The following OPRK1 variants were observed in gnomAD, a reference collection of about 807,000 sequenced individuals.
The protein encoded by OPRK1 is opioid receptor kappa 1.
A neutral mutation model predicts 24.5 loss-of-function variants in OPRK1; 15 were observed. The ratio of observed to expected loss-of-function variants is 0.61; its 90% CI spans 0.41 to 0.94. The LOEUF (loss-of-function observed/expected upper bound fraction) is 0.94. Ranked by LOEUF, OPRK1 falls within the 40% of genes least tolerant of loss-of-function variation. OPRK1 has a pLI of 0.00. For synonymous variants in OPRK1, 205 were observed against 198.0 expected, an observed-to-expected ratio of 1.04 and a Z score of -0.30; for missense variants, 479 against 507.3, an observed-to-expected ratio of 0.94 and a Z score of 0.54.
chr8:53,246,662 T>C lies in OPRK1; in HGVS notation c.257+4119A>G, dbSNP rs139245775. Among the ~76,000 whole-genome samples the C allele has an allele frequency of 1.3e-4, 20 of 152,212 alleles. No individual in the cohort carries two copies. In the East Asian group the frequency reaches 3.9e-3, roughly 29 times the overall value. On this transcript the variant is annotated intron_variant, in intron 2 of 3. Coordinates refer to ENST00000265572, the MANE Select transcript of OPRK1 (RefSeq NM_000912.5). ...CCTTGGATAGAAGGAAGGAGAATCT[T>C]CCTGTGAGACAAAACAGAATGCAGG... is the stretch of plus-strand genomic sequence containing the variant.
At chr8:53,238,751 G>A (rs1807052198) in intron 2 of OPRK1, 1 of 981,210 alleles carries the variant, frequency 1.0e-6, no homozygotes, top group Non-Finnish European at 1.2e-6. Flanking sequence ...AGTGTCACCA[G>A]GCAGGGTTTC....
In OPRK1 at chr8:53,229,614, C is replaced by A; in HGVS notation, c.826G>T (p.Val276Phe). Residue 276 changes from valine (V) to phenylalanine (F), a missense_variant, in exon 4 of 4, where the codon GTC (valine) becomes TTC (phenylalanine). Val to Phe is a conservative substitution (Grantham distance 50). Coordinates refer to ENST00000265572, the MANE Select transcript of OPRK1 (RefSeq NM_000912.5). ...DRNLRRITRL[V>F]LVVVAVFVVC... ...ACGAAGACTGCCACCACCACCAGGA[C>A]CAGTCTGGTGATCCTACGCAGGTTG... is the stretch of plus-strand genomic sequence containing the variant. 6.2e-7 allele frequency: 1 copy of A among 1,614,088 alleles called. No individual in the cohort carries two copies.
rs1806683094 is a variant in OPRK1, at chr8:53,226,290, C to A, written c.*3007G>T. On this transcript the variant is annotated 3_prime_UTR_variant, in exon 4 of 4. Transcript: ENST00000265572. ...TCGAAGGATGCTCTTAGATTGGTAA[C>A]TACTCTGAGATACTAAGAGTGTTTC... 1 of 152,162 alleles carries A rather than the reference C, an allele frequency of 6.6e-6. No individual in the cohort carries two copies. Among genetic ancestry groups the A allele is most frequent in the Non-Finnish European group, 1.5e-5 (1 of 68,032 alleles). 9.4% of individuals were successfully genotyped at this position (152,162 alleles called of 1,614,324 possible).
intron 2 of OPRK1, among the ~76,000 whole-genome samples, chr8:53,246,182 G>A (rs1295149888): frequency 6.6e-6 from 1 of 152,138 alleles, no homozygotes; most frequent in Non-Finnish European, 1.5e-5. Flanking sequence ...GAGGATGTGG[G>A]GGAAGCCAAG....
At chr8:53,251,339 C>T in intron 1 of OPRK1, 109 bp downstream of exon 1, 1 of 458,382 alleles carries the variant, frequency 2.2e-6, no homozygotes, top group Non-Finnish European at 3.8e-6. Flanking sequence ...AGGCACCGGC[C>T]CCTGGTGGAA....
Position 53,229,623 on chromosome 8 carries a change from T to C in OPRK1, c.817A>G (p.Thr273Ala). The change falls in exon 4 of 4, where the codon ACC becomes GCC. Residue 273 changes from threonine (T) to alanine (A), a missense_variant. Thr to Ala is a moderately conservative substitution (Grantham distance 58, BLOSUM62 0). Coordinates refer to ENST00000265572, the MANE Select transcript of OPRK1 (RefSeq NM_000912.5). The stretch of plus-strand genomic sequence containing the variant: ...GCCACCACCACCAGGACCAGTCTGG[T>C]GATCCTACGCAGGTTGCGATCTTTC... ...REKDRNLRRI[T>A]RLVLVVVAVF... 1 of 1,614,088 alleles carries C rather than the reference T, an allele frequency of 6.2e-7. No individual in the cohort carries two copies. The highest frequency in any genetic ancestry group is 8.5e-7 in the Non-Finnish European group (1 of 1,179,986).
chr8:53,229,296 G>C lies in OPRK1; in HGVS notation c.*1C>G. 6.2e-7 allele frequency: 1 copy of C among 1,611,692 alleles called. No individual in the cohort carries two copies. The highest frequency in any genetic ancestry group is 8.5e-7 in the Non-Finnish European group (1 of 1,178,476). On this transcript the variant is annotated 3_prime_UTR_variant, in exon 4 of 4. Transcript: ENST00000265572. Reference sequence around the variant, plus strand: ...CTGTACGAAGACATCTCCACGACTAGTCATACTGGTTTATTCATCCCATCG... The same window carrying C: ...CTGTACGAAGACATCTCCACGACTACTCATACTGGTTTATTCATCCCATCG...
In OPRK1 at chr8:53,235,104, TTG is replaced by T; in HGVS notation, c.263_264del (p.Thr88LysfsTer12). On this transcript the variant is annotated frameshift_variant, in exon 3 of 4. Transcript: ENST00000265572. LOFTEE classifies it high-confidence loss of function. ...SLVMFVIIRY[T>X]KMKTATNIYI... ...TAAATGTTGGTTGCTGTCTTCATCT[TTG>T]TGTATCTAAAAGAAAAGAAACAATA... 2 of 1,612,146 alleles carry T rather than the reference TTG, an allele frequency of 1.2e-6. No homozygotes were observed. Among genetic ancestry groups the T allele is most frequent in the Non-Finnish European group, 1.7e-6 (2 of 1,178,648 alleles).
At chr8:53,247,556 C>A (rs771017738) in intron 2 of OPRK1, among the ~76,000 whole-genome samples, 4 of 151,956 alleles carry the variant, frequency 2.6e-5, no homozygotes, top group African/African-American at 7.3e-5. Context: ...GTAAGAGTGG[C>A]AGAATGGATG....
chr8:53,237,077 T>A (rs1480254872), intron 2 of OPRK1, among the ~76,000 whole-genome samples: 1 of 152,198 alleles, frequency 6.6e-6, no homozygotes, highest in Non-Finnish European at 1.5e-5. Context: ...AATTAATGAA[T>A]GCACCTGACC....
intron 2 of OPRK1, among the ~76,000 whole-genome samples, chr8:53,249,880 G>A (rs953459894): frequency 6.6e-6 from 1 of 152,082 alleles, no homozygotes; most frequent in Non-Finnish European, 1.5e-5. Flanking sequence ...CCCTCTCACA[G>A]GTGTGTTGAC....
At position 53,228,349 on chromosome 8, in the gene OPRK1, G is replaced by A. The variant is rs200952600; in HGVS notation, c.*948C>T. The A allele has an allele frequency of 6.6e-6, 1 of 152,146 alleles. No homozygotes were observed. Among genetic ancestry groups the A allele is most frequent in the Admixed American group, 6.5e-5 (1 of 15,278 alleles). The allele number at this position is 152,146 out of a possible 1,614,324, so 9.4% of individuals were successfully genotyped here. A position where few individuals can be genotyped will look rare whatever the true frequency, so the allele number is the denominator to read the frequency against. On this transcript the variant is annotated 3_prime_UTR_variant, in exon 4 of 4. Transcript: ENST00000265572. ...GCACATGAGTTGTGAGCACTGTTAC[G>A]GGACTAAATGGTATTCAGGGAGTCT...
chr8:53,240,220 T>G (rs1040478941), intron 2 of OPRK1, among the ~76,000 whole-genome samples: 1 of 152,174 alleles, frequency 6.6e-6, no homozygotes, highest in Non-Finnish European at 1.5e-5. Context: ...AGTAGGTGAC[T>G]TGCCTGAAAC....
At chr8:53,232,505 CT>C (rs1188462662) in intron 3 of OPRK1, among the ~76,000 whole-genome samples, 1 of 152,062 alleles carries the variant, frequency 6.6e-6, no homozygotes, top group Non-Finnish European at 1.5e-5. Flanking sequence ...CTGGTACCCC[CT>C]AAATATGTAC....
rs1475134560 is a variant in OPRK1, at chr8:53,228,339, G to C, written c.*958C>G. On this transcript the variant is annotated 3_prime_UTR_variant, in exon 4 of 4. Transcript: ENST00000265572. ...TGATTCATTAGCACATGAGTTGTGA[G>C]CACTGTTACGGGACTAAATGGTATT... 6.6e-6 allele frequency: 1 copy of C among 152,230 alleles called. No homozygotes were observed. Among genetic ancestry groups the C allele is most frequent in the African/African-American group, 2.4e-5 (1 of 41,462 alleles). The allele number at this position is 152,230 out of a possible 1,614,324, so 9.4% of individuals were successfully genotyped here.
At chr8:53,247,950 C>T (rs969048289) in intron 2 of OPRK1, among the ~76,000 whole-genome samples, 4 of 141,300 alleles carry the variant, frequency 2.8e-5, no homozygotes, top group African/African-American at 5.4e-5. Context: ...GAGATCATGC[C>T]GCTGCACTCC....
At position 53,235,076 on chromosome 8, in the gene OPRK1, A is replaced by G; in HGVS notation, c.293T>C (p.Ile98Thr). Reference protein sequence around the residue: ...TKMKTATNIYIFNLALADALV... With the variant: ...TKMKTATNIYTFNLALADALV... ...AGCATCTGCCAAAGCCAGGTTAAAT[A>G]TGTAAATGTTGGTTGCTGTCTTCAT... Residue 98 changes from isoleucine to threonine, a missense_variant, in exon 3 of 4, where the codon ATA (isoleucine) becomes ACA (threonine). By Grantham distance (89) the Ile-to-Thr change is moderately conservative (BLOSUM62 -1). Transcript: ENST00000265572. 1 of 1,614,126 alleles carries G rather than the reference A, an allele frequency of 6.2e-7. No individual in the cohort carries two copies. Among genetic ancestry groups the G allele is most frequent in the Non-Finnish European group, 8.5e-7 (1 of 1,179,954 alleles).
At chr8:53,251,254 G>T in intron 1 of OPRK1, 169 bp from the exon 2 acceptor site, 1 of 709,462 alleles carries the variant, frequency 1.4e-6, no homozygotes, top group Non-Finnish European at 2.1e-6. Flanking sequence ...CAGGCGCGCC[G>T]CTGGGTGCCA....
Position 53,226,657 on chromosome 8 carries a change from A to T in OPRK1, c.*2640T>A, listed in dbSNP as rs1383045686. On this transcript the variant is annotated 3_prime_UTR_variant, in exon 4 of 4. Coordinates refer to ENST00000265572, the MANE Select transcript of OPRK1 (RefSeq NM_000912.5). ...GGTCCCTGCTTCACAGCAGGACATC[A>T]GGACAAACAGAAAGCGTGTACACAC... is the stretch of plus-strand genomic sequence containing the variant. The T allele has an allele frequency of 6.6e-6, 1 of 152,278 alleles. No homozygotes were observed. The highest frequency in any genetic ancestry group is 2.4e-5 in the African/African-American group (1 of 41,476). The allele number at this position is 152,278 out of a possible 1,614,324, so 9.4% of individuals were successfully genotyped here. A position where few individuals can be genotyped will look rare whatever the true frequency, so the allele number is the denominator to read the frequency against.
Sources: gnomAD v4.1 joint callset for allele counts (sites outside exome capture counted in the v4.1 genomes callset) on GRCh38, gnomAD v4.1.1 for gene constraint, MANE v1.5 for transcripts, NCBI Gene and HGNC (gene_info 2026-07-23, HGNC 2026-07-21) for gene names.